Variants in EYA3 observed in about 807,000 individuals in gnomAD.
The protein encoded by EYA3 is EYA transcriptional coactivator and phosphatase 3, also known as protein phosphatase EYA3.
A neutral mutation model predicts 80.0 loss-of-function variants in EYA3; 39 were observed. The observed-to-expected ratio is 0.49, with a 90% CI of 0.38 to 0.64. The LOEUF is 0.64. EYA3 is among the 30% of genes least tolerant of loss of function. The pLI is 0.00. For synonymous variants in EYA3, 206 were observed against 232.8 expected, an observed-to-expected ratio of 0.88 and a Z score of 1.05; for missense variants, 523 against 676.1, an observed-to-expected ratio of 0.77 and a Z score of 2.51.
At chr1:27,982,629 G>A (rs1639386406) in intron 16 of EYA3, among the ~76,000 whole-genome samples, 1 of 151,886 alleles carries the variant, frequency 6.6e-6, no homozygotes. Flanking sequence ...GTCTTGCTCT[G>A]TTGTCCAGGC....
chr1:28,061,766 A>G (rs1025638544), intron 1 of EYA3, among the ~76,000 whole-genome samples: 18 of 152,030 alleles, frequency 1.2e-4, no homozygotes, highest in African/African-American at 3.4e-4. Flanking sequence ...CGCCCGGCTA[A>G]TTTTTTGTAT....
intron 2 of EYA3, among the ~76,000 whole-genome samples, chr1:28,052,142 G>T (rs1037973694): frequency 6.6e-6 from 1 of 152,230 alleles, no homozygotes; most frequent in South Asian, 2.1e-4. Flanking sequence ...CCGAGTAGCT[G>T]GGACTACAGG....
At chr1:28,040,967 C>G (rs1643743674) in intron 4 of EYA3, among the ~76,000 whole-genome samples, 1 of 152,102 alleles carries the variant, frequency 6.6e-6, no homozygotes, top group South Asian at 2.1e-4. Context: ...GGCAAGAAAA[C>G]TATAGTACCA....
chr1:28,032,226 G>A (rs929037768), intron 6 of EYA3: 1 of 152,122 alleles, frequency 6.6e-6, no homozygotes, highest in African/African-American at 2.4e-5. Flanking sequence ...ACAACATTGT[G>A]TTTTTGCTAT....
intron 2 of EYA3, among the ~76,000 whole-genome samples, chr1:28,052,677 C>T (rs1644293104): frequency 6.6e-6 from 1 of 152,186 alleles, no homozygotes; most frequent in Admixed American, 6.5e-5. Context: ...GAGGCAGTGG[C>T]TCACACCTGT....
At chr1:28,033,654 A>AT (rs1352116992) in intron 6 of EYA3, among the ~76,000 whole-genome samples, 3 of 129,770 alleles carry the variant, frequency 2.3e-5, no homozygotes, top group African/African-American at 5.6e-5. Flanking sequence ...TATTATTATT[A>AT]TTATTATTAT....
At chr1:28,085,760 G>GTTT (rs1645629283) in intron 1 of EYA3, among the ~76,000 whole-genome samples, 1 of 151,724 alleles carries the variant, frequency 6.6e-6, no homozygotes, top group African/African-American at 2.4e-5. Flanking sequence ...GCTGTCTCTG[G>GTTT]GTTTGTTTGT....
rs552045114 is a variant in EYA3 at position 27,988,342 on chromosome 1, G to C, written c.1540+193C>G. ...AAGAGCATGCTTATGTAACTTACTA[G>C]CTGTGAGAACCTGAGCAAGCTATAT... On this transcript the variant is annotated intron_variant, in intron 16 of 17. Coordinates refer to ENST00000373871, the MANE Select transcript of EYA3 (RefSeq NM_001990.4). 15 of 532,486 alleles carry C rather than the reference G, an allele frequency of 2.8e-5. No individual in the cohort carries two copies. The Admixed American group carries it at 4.7e-4, about 17-fold the overall frequency. 33.0% of individuals were successfully genotyped at this position (532,486 alleles called of 1,614,324 possible).
At chr1:28,085,240 C>A (rs562710936) in intron 1 of EYA3, among the ~76,000 whole-genome samples, 10 of 152,180 alleles carry the variant, frequency 6.6e-5, no homozygotes, top group African/African-American at 2.4e-4. Context: ...TGCTTGAGTC[C>A]AGGAGTTTGA....
chr1:28,068,743 G>GT (rs1440101964), intron 1 of EYA3, among the ~76,000 whole-genome samples: 3 of 152,124 alleles, frequency 2.0e-5, no homozygotes, highest in South Asian at 2.1e-4. Flanking sequence ...CTTTATAACC[G>GT]TAAGTCCTTA....
intron 16 of EYA3, among the ~76,000 whole-genome samples, chr1:27,986,904 G>A (rs542544939): frequency 4.6e-5 from 7 of 151,346 alleles, no homozygotes; most frequent in African/African-American, 1.7e-4. Context: ...GGGTTTCACC[G>A]TGTGAGCCAG....
At chr1:28,030,417 C>G (rs1018685481) in intron 6 of EYA3, among the ~76,000 whole-genome samples, 1 of 152,092 alleles carries the variant, frequency 6.6e-6, no homozygotes, top group Non-Finnish European at 1.5e-5. Flanking sequence ...CTCAAACCCC[C>G]GAATAGCTGG....
At chr1:28,049,003 A>T (rs895199074) in intron 2 of EYA3, among the ~76,000 whole-genome samples, 2 of 152,216 alleles carry the variant, frequency 1.3e-5, no homozygotes, top group African/African-American at 4.8e-5. Context: ...AATGGTTAAT[A>T]CTAATGGATT....
At chr1:28,043,894 G>C (rs1053293559) in intron 3 of EYA3, among the ~76,000 whole-genome samples, 1 of 152,002 alleles carries the variant, frequency 6.6e-6, no homozygotes, top group Non-Finnish European at 1.5e-5. Flanking sequence ...GTTTCCAAGC[G>C]GGGGTTCTAA....
At chr1:27,998,509 C>T (rs1640607568) in intron 12 of EYA3, among the ~76,000 whole-genome samples, 1 of 152,046 alleles carries the variant, frequency 6.6e-6, no homozygotes, top group South Asian at 2.1e-4. Flanking sequence ...AGTACTGGAG[C>T]TCGGGGCACT....
chr1:27,995,766 ATAAAT>A (rs1388393954), intron 13 of EYA3, among the ~76,000 whole-genome samples: 1 of 152,086 alleles, frequency 6.6e-6, no homozygotes, highest in Non-Finnish European at 1.5e-5. Flanking sequence ...AATAAAATGA[ATAAAT>A]TAAAATAAAA....
intron 11 of EYA3, among the ~76,000 whole-genome samples, chr1:28,002,167 G>T (rs1055166095): frequency 1.3e-5 from 2 of 151,816 alleles, no homozygotes; most frequent in African/African-American, 2.4e-5. Flanking sequence ...TGCCCTCCTC[G>T]GCCTCCCAAA....
chr1:28,069,563 AAGAG>A (rs1182341011), intron 1 of EYA3, among the ~76,000 whole-genome samples: 12 of 150,418 alleles, frequency 8.0e-5, no homozygotes, highest in East Asian at 5.8e-4. Flanking sequence ...AAAAAAAAAA[AAGAG>A]AGAGAAGAAG....
chr1:28,017,305 T>C (rs1642139234), intron 7 of EYA3, 66 bp from the exon 8 acceptor site: 1 of 1,203,690 alleles, frequency 8.3e-7, no homozygotes, highest in South Asian at 1.3e-5. Flanking sequence ...AAACTGAAAA[T>C]AGATGTGTTT....
Sources: allele counts gnomAD v4.1 joint callset (sites outside exome capture counted in the v4.1 genomes callset), GRCh38; gene constraint gnomAD v4.1.1; transcripts MANE v1.5; gene names NCBI Gene and HGNC (gene_info 2026-07-23, HGNC 2026-07-21).